LRRTM4: variants seen among roughly 807,000 people sequenced by gnomAD.
The protein encoded by LRRTM4 is leucine rich repeat transmembrane neuronal 4, also known as leucine-rich repeat transmembrane neuronal protein 4.
Under a neutral mutation model 47.6 loss-of-function variants are expected in LRRTM4, and 25 were observed. That is an observed-to-expected ratio of 0.53 (90% CI 0.38 to 0.73). The LOEUF (loss-of-function observed/expected upper bound fraction) is 0.73, where lower values mean the gene tolerates loss of function less well. Among genes scored for constraint, LRRTM4 ranks in the 30% least tolerant of loss-of-function variants. The pLI, the probability that LRRTM4 is intolerant of heterozygous loss-of-function variation, is 0.00. For missense variants in LRRTM4, 638 were observed against 713.4 expected, an observed-to-expected ratio of 0.89 and a Z score of 1.20; for synonymous variants, 311 against 269.5, an observed-to-expected ratio of 1.15 and a Z score of -1.51.
In LRRTM4 at chr2:77,392,470, C is replaced by A. The variant is rs530626281; in HGVS notation, c.1551+125848G>T. Among the ~76,000 whole-genome samples, 7 of 152,094 alleles carry A rather than the reference C, an allele frequency of 4.6e-5. No homozygotes were observed. The South Asian group carries it at 6.2e-4, about 14-fold the overall frequency. On this transcript the variant is annotated intron_variant, in intron 3 of 3. Transcript: ENST00000409884. ...TCAGATACTTTTTGGTTTACACCAT[C>A]AATGGATGAATGGATAAAGACAATG...
chr2:76,771,436 A>C (rs1673699912), intron 3 of LRRTM4, among the ~76,000 whole-genome samples: 1 of 152,130 alleles, frequency 6.6e-6, no homozygotes, highest in Non-Finnish European at 1.5e-5. Context: ...CCTTGTTTGT[A>C]AGAATGAGGA....
Position 77,263,484 on chromosome 2 carries a change from A to G in LRRTM4, c.1551+254834T>C, listed in dbSNP as rs568220576. ...GCAGTGGGGGTATCTTGTGAATCTGAGTCTTTAAACTGTGGGATCTGACAC... is the reference window on the plus strand; with the variant it reads ...GCAGTGGGGGTATCTTGTGAATCTGGGTCTTTAAACTGTGGGATCTGACAC... On this transcript the variant is annotated intron_variant, in intron 3 of 3. Transcript: ENST00000409884. Among the ~76,000 whole-genome samples, 56 of 152,102 alleles carry G rather than the reference A, an allele frequency of 3.7e-4. 1 individual carries two copies. Among genetic ancestry groups the G allele is most frequent in the African/African-American group, 1.3e-3 (55 of 41,516 alleles).
intron 3 of LRRTM4, among the ~76,000 whole-genome samples, chr2:77,170,804 C>CA (rs917346341): frequency 4.7e-5 from 7 of 149,910 alleles, no homozygotes; most frequent in Non-Finnish European, 8.9e-5. Flanking sequence ...CTATGTCACT[C>CA]AAAAAAAGGG....
intron 3 of LRRTM4, among the ~76,000 whole-genome samples, chr2:77,315,590 A>T (rs1168847802): frequency 2.0e-5 from 3 of 152,172 alleles, no homozygotes; most frequent in African/African-American, 7.2e-5. Context: ...TGAATGCTTG[A>T]CTAAACTTTA....
chr2:77,482,221 T>C (rs566988739), intron 3 of LRRTM4, among the ~76,000 whole-genome samples: 2 of 152,326 alleles, frequency 1.3e-5, no homozygotes, highest in East Asian at 3.9e-4. Flanking sequence ...TTTTTTCCAA[T>C]ATGATTTTGC....
At chr2:77,174,516 G>C (rs2103841750) in intron 3 of LRRTM4, among the ~76,000 whole-genome samples, 1 of 152,256 alleles carries the variant, frequency 6.6e-6, no homozygotes, top group East Asian at 1.9e-4. Flanking sequence ...GTAACCGGTA[G>C]TTGTTACATA....
chr2:77,064,087 G>A (rs1001117319), intron 3 of LRRTM4, among the ~76,000 whole-genome samples: 2 of 152,114 alleles, frequency 1.3e-5, no homozygotes, highest in African/African-American at 2.4e-5. Context: ...TTTTAAAAAT[G>A]TAACTATGCA....
At chr2:77,392,020 G>C (rs1673524136) in intron 3 of LRRTM4, among the ~76,000 whole-genome samples, 1 of 151,860 alleles carries the variant, frequency 6.6e-6, no homozygotes, top group Non-Finnish European at 1.5e-5. Context: ...CTATCTCTTG[G>C]GGGAAATTGC....
intron 3 of LRRTM4, among the ~76,000 whole-genome samples, chr2:76,943,320 C>T (rs888108143): frequency 1.2e-4 from 19 of 152,138 alleles, no homozygotes; most frequent in African/African-American, 4.6e-4. Context: ...CCTGTGGTCC[C>T]AGCTACTCCT....
chr2:77,436,956 T>C (rs879607445), intron 3 of LRRTM4, among the ~76,000 whole-genome samples: 6 of 151,788 alleles, frequency 4.0e-5, no homozygotes, highest in Non-Finnish European at 8.8e-5. Context: ...ACATAACATA[T>C]ATATAAACAA....
At chr2:76,777,224 A>G (rs1180658657) in intron 3 of LRRTM4, among the ~76,000 whole-genome samples, 1 of 150,338 alleles carries the variant, frequency 6.7e-6, no homozygotes, top group Non-Finnish European at 1.5e-5. Context: ...TTGGCTTAGG[A>G]TTGACTTGGC....
At chr2:76,901,825 G>C (rs1386353232) in intron 3 of LRRTM4, among the ~76,000 whole-genome samples, 2 of 152,242 alleles carry the variant, frequency 1.3e-5, no homozygotes, top group East Asian at 1.9e-4. Context: ...TTAGCTGACA[G>C]AACTGGGCAC....
chr2:77,143,210 A>G (rs1222997340), intron 3 of LRRTM4, among the ~76,000 whole-genome samples: 1 of 152,220 alleles, frequency 6.6e-6, no homozygotes, highest in East Asian at 1.9e-4. Context: ...CAAAAGATCC[A>G]GAATTCATAT....
intron 3 of LRRTM4, among the ~76,000 whole-genome samples, chr2:77,257,136 C>G (rs1472421891): frequency 1.3e-5 from 2 of 152,050 alleles, no homozygotes; most frequent in Admixed American, 6.6e-5. Context: ...ATGGGAACTT[C>G]TTCAACTTGA....
At chr2:76,802,642 A>C (rs1485644791) in intron 3 of LRRTM4, among the ~76,000 whole-genome samples, 1 of 152,108 alleles carries the variant, frequency 6.6e-6, no homozygotes, top group Non-Finnish European at 1.5e-5. Context: ...AGAAGATCCC[A>C]AAGATCCAAA....
chr2:77,502,477 A>G (rs1187791226), intron 3 of LRRTM4, among the ~76,000 whole-genome samples: 2 of 151,612 alleles, frequency 1.3e-5, no homozygotes, highest in African/African-American at 4.8e-5. Flanking sequence ...ATTTTGAAAT[A>G]AAAATTTATA....
chr2:77,351,488 T>G (rs892249554), intron 3 of LRRTM4, among the ~76,000 whole-genome samples: 1 of 151,798 alleles, frequency 6.6e-6, no homozygotes, highest in Non-Finnish European at 1.5e-5. Context: ...TTATGATACA[T>G]CTGATCCATG....
chr2:77,049,157 TACAC>T (rs1336101809), intron 3 of LRRTM4, among the ~76,000 whole-genome samples: 7 of 106,356 alleles, frequency 6.6e-5, no homozygotes, highest in African/African-American at 3.0e-4. Flanking sequence ...TATATATATA[TACAC>T]ACACACACAC....
intron 3 of LRRTM4, among the ~76,000 whole-genome samples, chr2:77,441,520 G>A (rs1396772476): frequency 6.6e-6 from 1 of 151,956 alleles, no homozygotes. Flanking sequence ...ATTTCATTTT[G>A]GGAAAGTTGA....
Sources: allele counts gnomAD v4.1 joint callset (sites outside exome capture counted in the v4.1 genomes callset), GRCh38; gene constraint gnomAD v4.1.1; transcripts MANE v1.5; gene names NCBI Gene and HGNC (gene_info 2026-07-23, HGNC 2026-07-21).